The following PTPRC variants were observed in gnomAD, a reference collection of about 807,000 sequenced individuals.
PTPRC encodes receptor-type tyrosine-protein phosphatase C.
Under a neutral mutation model 155.9 loss-of-function variants are expected in PTPRC, and 44 were observed. The observed-to-expected ratio is 0.28, with a 90% CI of 0.22 to 0.36. The LOEUF is 0.36. PTPRC is among the 10% of genes least tolerant of loss of function. PTPRC has a pLI of 1.00. For missense variants in PTPRC, 1,401 were observed against 1,564.6 expected, an observed-to-expected ratio of 0.90 and a Z score of 1.76; for synonymous variants, 525 against 533.1, an observed-to-expected ratio of 0.98 and a Z score of 0.21.
chr1:198,734,086 A>G (rs1344043757), intron 20 of PTPRC, 110 bp from the exon 21 acceptor site: 4 of 1,049,166 alleles, frequency 3.8e-6, no homozygotes, highest in Admixed American at 2.0e-5. Context: ...AGAGAAATTC[A>G]CAATCACAAA....
At chr1:198,741,568 C>A (rs1654902025) in intron 23 of PTPRC, among the ~76,000 whole-genome samples, 1 of 151,682 alleles carries the variant, frequency 6.6e-6, no homozygotes, top group Non-Finnish European at 1.5e-5. Context: ...CATGCAAGTT[C>A]CTAGAAATTT....
At chr1:198,675,853 C>A (rs989276995) in intron 2 of PTPRC, among the ~76,000 whole-genome samples, 2 of 152,088 alleles carry the variant, frequency 1.3e-5, no homozygotes, top group Non-Finnish European at 2.9e-5. Context: ...TCTGTTGTAT[C>A]TACTAATTTC....
At chr1:198,679,790 G>T in intron 2 of PTPRC, 1 of 487,480 alleles carries the variant, frequency 2.1e-6, no homozygotes, top group South Asian at 3.6e-5. Context: ...ACCAGGAAAT[G>T]ACGCCATTCA....
chr1:198,689,293 A>ATATT (rs1665800811), intron 2 of PTPRC, among the ~76,000 whole-genome samples: 1 of 152,186 alleles, frequency 6.6e-6, no homozygotes, highest in African/African-American at 2.4e-5. Context: ...CAGTTCTAGT[A>ATATT]TATTTACTCA....
intron 2 of PTPRC, among the ~76,000 whole-genome samples, chr1:198,659,534 A>T (rs1018455094): frequency 1.8e-4 from 28 of 151,534 alleles, no homozygotes; most frequent in African/African-American, 6.6e-4. Context: ...GGCTTTGAAG[A>T]ATACATATAT....
chr1:198,646,112 A>G (rs1027791253), intron 2 of PTPRC, among the ~76,000 whole-genome samples: 1 of 151,854 alleles, frequency 6.6e-6, no homozygotes, highest in Non-Finnish European at 1.5e-5. Flanking sequence ...TTCCTTAAAG[A>G]TAAATTTTGG....
chr1:198,749,772 G>A (rs1011484796), intron 28 of PTPRC, among the ~76,000 whole-genome samples: 1 of 151,450 alleles, frequency 6.6e-6, no homozygotes, highest in African/African-American at 2.4e-5. Context: ...TAATGCTATT[G>A]GTTATATTTT....
rs538914648 is a variant in PTPRC at position 198,643,519 on chromosome 1, C to T, written c.73+4178C>T. 5.9e-5 allele frequency among the ~76,000 whole-genome samples: 9 copies of T among 151,944 alleles called. No homozygotes were observed. In the East Asian group the frequency reaches 1.6e-3, roughly 26 times the overall value. On this transcript the variant is annotated intron_variant, in intron 2 of 32. Coordinates refer to ENST00000442510, the MANE Select transcript of PTPRC (RefSeq NM_002838.5). ...AGTTGATTTTGGATCTAGATGTTTA[C>T]AGTCTTGCCTTTTTGTTTTTGTTTG...
chr1:198,682,059 C>T (rs1247451824), intron 2 of PTPRC, among the ~76,000 whole-genome samples: 2 of 152,224 alleles, frequency 1.3e-5, no homozygotes, highest in African/African-American at 4.8e-5. Context: ...AACAGAAGTA[C>T]ACCGAAGAGA....
chr1:198,692,528 T>C, intron 3 of PTPRC, 155 bp downstream of exon 3: 1 of 1,112,282 alleles, frequency 9.0e-7, no homozygotes, highest in African/African-American at 1.6e-5. Context: ...TCTTAAACTT[T>C]CTGCTTATAC....
At chr1:198,749,703 A>T (rs556829232) in intron 28 of PTPRC, among the ~76,000 whole-genome samples, 154 bp downstream of exon 28, 11 of 152,072 alleles carry the variant, frequency 7.2e-5, no homozygotes, top group African/African-American at 2.6e-4. Flanking sequence ...CAATGCTACA[A>T]TTTAACTTAA....
chr1:198,686,429 CAA>C (rs1490684870), intron 2 of PTPRC, among the ~76,000 whole-genome samples: 1 of 152,100 alleles, frequency 6.6e-6, no homozygotes, highest in Non-Finnish European at 1.5e-5. Context: ...AGATAAAAGT[CAA>C]AGTGTAGAAT....
At chr1:198,651,577 T>G (rs1473461727) in intron 2 of PTPRC, among the ~76,000 whole-genome samples, 1 of 151,788 alleles carries the variant, frequency 6.6e-6, no homozygotes, top group Non-Finnish European at 1.5e-5. Context: ...TACTGGTGGT[T>G]AGCTAATAAG....
intron 26 of PTPRC, among the ~76,000 whole-genome samples, chr1:198,746,959 T>G (rs1655161357): frequency 6.6e-6 from 1 of 151,794 alleles, no homozygotes; most frequent in Non-Finnish European, 1.5e-5. Context: ...ATAATTAGTT[T>G]GAATGAGGGT....
intron 4 of PTPRC, among the ~76,000 whole-genome samples, chr1:198,698,608 C>T (rs1352334932): frequency 6.6e-6 from 1 of 151,750 alleles, no homozygotes. Context: ...ATGTGCATAA[C>T]ATTAAATTTA....
chr1:198,692,386 A>G lies in PTPRC; in HGVS notation c.100+13A>G. The G allele has an allele frequency of 2.8e-6, 4 of 1,426,084 alleles. No individual in the cohort carries two copies. The highest frequency in any genetic ancestry group is 1.5e-5 in the African/African-American group (1 of 66,952). 88.3% of individuals were successfully genotyped at this position (1,426,084 alleles called of 1,614,324 possible). ...CCTTCCCCCACTGGTAAGAATTAATATTTATATTTTTACTAATTTTATTTT... is the reference window on the plus strand; with the variant it reads ...CCTTCCCCCACTGGTAAGAATTAATGTTTATATTTTTACTAATTTTATTTT... On this transcript the variant is annotated intron_variant, in intron 3 of 32. Transcript: ENST00000442510.
chr1:198,750,400 T>A (rs1398449274), intron 28 of PTPRC, 92 bp from the exon 29 acceptor site: 1 of 1,359,172 alleles, frequency 7.4e-7, no homozygotes, highest in African/African-American at 1.4e-5. Flanking sequence ...AGCATTGATA[T>A]CAAACTGACT....
chr1:198,718,679 G>A (rs1343358734), intron 14 of PTPRC, among the ~76,000 whole-genome samples: 1 of 152,008 alleles, frequency 6.6e-6, no homozygotes, highest in Non-Finnish European at 1.5e-5. Flanking sequence ...AAATTTCACA[G>A]GTACCTTGAG....
At chr1:198,661,400 A>C (rs1176081291) in intron 2 of PTPRC, among the ~76,000 whole-genome samples, 2 of 151,182 alleles carry the variant, frequency 1.3e-5, no homozygotes, top group African/African-American at 4.8e-5. Flanking sequence ...ACAAAGATTT[A>C]ATAGGAATAG....
Sources: gnomAD v4.1 joint callset for allele counts (sites outside exome capture counted in the v4.1 genomes callset) on GRCh38, gnomAD v4.1.1 for gene constraint, MANE v1.5 for transcripts, NCBI Gene and HGNC (gene_info 2026-07-23, HGNC 2026-07-21) for gene names.